Variants in KRTAP4-1 observed in about 807,000 individuals in gnomAD.
KRTAP4-1 encodes keratin associated protein 4-1.
For synonymous variants in KRTAP4-1, 52 were observed against 58.3 expected (o/e 0.89, Z 0.50); for missense variants, 155 against 181.3 (o/e 0.85, Z 0.83).
rs1345754311 is a variant in KRTAP4-1, at chr17:41,184,240, C to A, written c.*174G>T. ...GGTCTGAATGCTGCTGGGAAGAGAT[C>A]CATGGGAAAAATGAGTGGTATTAAA... On this transcript the variant is annotated 3_prime_UTR_variant, in exon 1 of 1. Transcript: ENST00000398472. The A allele has an allele frequency of 1.2e-5, 14 of 1,136,054 alleles. No homozygotes were observed. Among genetic ancestry groups the A allele is most frequent in the Non-Finnish European group, 3.7e-6 (3 of 809,494 alleles). 70.4% of individuals were successfully genotyped at this position (1,136,054 alleles called of 1,614,324 possible).
At position 41,184,155 on chromosome 17, in the gene KRTAP4-1, T is replaced by C. The variant is rs1490903214; in HGVS notation, c.*259A>G. 8.3e-6 allele frequency: 4 copies of C among 482,872 alleles called. No homozygotes were observed. The East Asian group carries it at 9.3e-5, about 11-fold the overall frequency. The allele number at this position is 482,872 out of a possible 1,614,324, so 29.9% of individuals were successfully genotyped here. A position where few individuals can be genotyped will look rare whatever the true frequency, so the allele number is the denominator to read the frequency against. On this transcript the variant is annotated 3_prime_UTR_variant, in exon 1 of 1. Transcript: ENST00000398472. ...AACAGTTAATATGTAATTTTGAAGG[T>C]CAAATCAAGCATAACAGTCAGAAAC...
At position 41,184,749 on chromosome 17, in the gene KRTAP4-1, A is replaced by C; in HGVS notation, c.106T>G (p.Cys36Gly). 1 of 1,612,306 alleles carries C rather than the reference A, an allele frequency of 6.2e-7. No individual in the cohort carries two copies. Among genetic ancestry groups the C allele is most frequent in the Non-Finnish European group, 8.5e-7 (1 of 1,179,532 alleles). The change falls in exon 1 of 1, where the codon TGC becomes GGC. Residue 36 changes from cysteine to glycine, a missense_variant. Cys to Gly is a radical substitution (Grantham distance 159). Transcript: ENST00000398472. ...RPSCCQTTCC[C>G]PSCVVSSCCR... ...CAGCTGGATACAACACAGCTGGGGC[A>C]GCAACAGGTGGTCTGGCAGCAGCTG...
chr17:41,184,633 G>A lies in KRTAP4-1; in HGVS notation c.222C>T (p.Cys74=), dbSNP rs201290266. 21 of 1,597,366 alleles carry A rather than the reference G, an allele frequency of 1.3e-5. No homozygotes were observed. Among genetic ancestry groups the A allele is most frequent in the Non-Finnish European group, 1.6e-5 (19 of 1,172,018 alleles). ...AGCTGGACACACCACAGCTGGGGCG[G>A]CAGGTGGTCTGACAACAGACTGGGT... is the stretch of plus-strand genomic sequence containing the variant. ...CCHPVCCQTT[C]RPSCGVSSCC... is the part of the protein sequence containing the mutation. The change falls in exon 1 of 1, where the codon TGC becomes TGT. Residue 74 remains cysteine, a synonymous_variant. Coordinates refer to ENST00000398472, the MANE Select transcript of KRTAP4-1 (RefSeq NM_001386841.1).
At position 41,184,784 on chromosome 17, in the gene KRTAP4-1, C is replaced by T; in HGVS notation, c.71G>A (p.Cys24Tyr). 1.2e-6 allele frequency: 2 copies of T among 1,614,216 alleles called. No homozygotes were observed. The highest frequency in any genetic ancestry group is 1.7e-6 in the Non-Finnish European group (2 of 1,180,032). The change falls in exon 1 of 1, where the codon TGC (cysteine) becomes TAC (tyrosine). Residue 24 changes from cysteine (C) to tyrosine (Y), a missense_variant. Transcript: ENST00000398472. ...GCDQGLCQETCCRPSCCQTTC... is the reference protein window; with the variant it reads ...GCDQGLCQETYCRPSCCQTTC... ...GGTCTGGCAGCAGCTGGGGCGGCAG[C>T]AGGTCTCTTGGCAGAGGCCTTGATC...
rs752336099 is a variant in KRTAP4-1, at chr17:41,184,876, T to C, written c.-22A>G. On this transcript the variant is annotated 5_prime_UTR_variant, in exon 1 of 1. Coordinates refer to ENST00000398472, the MANE Select transcript of KRTAP4-1 (RefSeq NM_001386841.1). ...CCATGGTGTCAGAGGGTGGAGGTTC[T>C]AGGTAGGTTTCCAAGACAGTGAGTT... The C allele has an allele frequency of 1.2e-6, 2 of 1,613,184 alleles. No homozygotes were observed. The highest frequency in any genetic ancestry group is 1.7e-6 in the Non-Finnish European group (2 of 1,179,582).
chr17:41,184,235 G>C lies in KRTAP4-1; in HGVS notation c.*179C>G, dbSNP rs2015244298. The C allele has an allele frequency of 2.8e-6, 3 of 1,088,616 alleles. No homozygotes were observed. The highest frequency in any genetic ancestry group is 5.6e-5 in the Admixed American group (2 of 35,682). 67.4% of individuals were successfully genotyped at this position (1,088,616 alleles called of 1,614,324 possible). A position where few individuals can be genotyped will look rare whatever the true frequency, so the allele number is the denominator to read the frequency against. On this transcript the variant is annotated 3_prime_UTR_variant, in exon 1 of 1. Transcript: ENST00000398472. ...TCTGAGGTCTGAATGCTGCTGGGAA[G>C]AGATCCATGGGAAAAATGAGTGGTA...
At position 41,184,341 on chromosome 17, in the gene KRTAP4-1, A is replaced by G; in HGVS notation, c.*73T>C. 1 of 1,526,738 alleles carries G rather than the reference A, an allele frequency of 6.5e-7. No individual in the cohort carries two copies. The highest frequency in any genetic ancestry group is 1.3e-5 in the South Asian group (1 of 77,140). The allele number at this position is 1,526,738 out of a possible 1,614,324, so 94.6% of individuals were successfully genotyped here. A position where few individuals can be genotyped will look rare whatever the true frequency, so the allele number is the denominator to read the frequency against. ...AAGCTGATGGCCATTTAACACATGG[A>G]CAAGTTGATATAAATGACACTTTCA... is the stretch of plus-strand genomic sequence containing the variant. On this transcript the variant is annotated 3_prime_UTR_variant, in exon 1 of 1. Coordinates refer to ENST00000398472, the MANE Select transcript of KRTAP4-1 (RefSeq NM_001386841.1).
At position 41,184,474 on chromosome 17, in the gene KRTAP4-1, A is replaced by G. The variant is rs1249351683; in HGVS notation, c.381T>C (p.Cys127=). The change falls in exon 1 of 1, where the codon TGT becomes TGC. Residue 127 remains cysteine (C), a synonymous_variant. Coordinates refer to ENST00000398472, the MANE Select transcript of KRTAP4-1 (RefSeq NM_001386841.1). The part of the protein sequence containing the change: ...GVSSCCRPLC[C]QTTCCRATCC... ...AAGTTGCACGGCAGCAGGTGGTCTG[A>G]CAGCAGAGTGGACGGCAGCAGCTGG... 6.2e-7 allele frequency: 1 copy of G among 1,610,852 alleles called. No homozygotes were observed. Among genetic ancestry groups the G allele is most frequent in the Admixed American group, 1.7e-5 (1 of 59,922 alleles).
At position 41,184,423 on chromosome 17, in the gene KRTAP4-1, G is replaced by A. The variant is rs1401512305; in HGVS notation, c.432C>T (p.Ser144=). 13 of 1,595,124 alleles carry A rather than the reference G, an allele frequency of 8.1e-6. No homozygotes were observed. Among genetic ancestry groups the A allele is most frequent in the Non-Finnish European group, 1.0e-5 (12 of 1,168,122 alleles). ...ATCCRPSCCG[S]SC Reference sequence around the variant, plus strand: ...TAGTCCAATATGAGGTTCAACAAGAGGATCCACAGCAGCTGGGGCGGCAGC... The same window carrying A: ...TAGTCCAATATGAGGTTCAACAAGAAGATCCACAGCAGCTGGGGCGGCAGC... Residue 144 remains serine (S), a synonymous_variant, in exon 1 of 1, where the codon TCC becomes TCT. Transcript: ENST00000398472.
rs145814064 is a variant in KRTAP4-1, at chr17:41,184,817, T to C, written c.38A>G (p.Gln13Arg). The change falls in exon 1 of 1, where the codon CAG becomes CGG. Residue 13 changes from glutamine (Q) to arginine (R), a missense_variant. Gln to Arg is a conservative substitution (Grantham distance 43). Coordinates refer to ENST00000398472, the MANE Select transcript of KRTAP4-1 (RefSeq NM_001386841.1). ...TTGGCAGAGGCCTTGATCACAGCCCTGGTCAGAGCAGACAGAGCCACAACA... is the reference window on the plus strand; with the variant it reads ...TTGGCAGAGGCCTTGATCACAGCCCCGGTCAGAGCAGACAGAGCCACAACA... Reference protein sequence around the residue: ...NSCCGSVCSDQGCDQGLCQET... With the variant: ...NSCCGSVCSDRGCDQGLCQET... 1.9e-6 allele frequency: 3 copies of C among 1,614,202 alleles called. No individual in the cohort carries two copies. The highest frequency in any genetic ancestry group is 2.5e-6 in the Non-Finnish European group (3 of 1,180,020).
chr17:41,184,516 G>A lies in KRTAP4-1; in HGVS notation c.339C>T (p.Arg113=). The change falls in exon 1 of 1, where the codon CGC becomes CGT. Residue 113 remains arginine (R), a synonymous_variant. Transcript: ENST00000398472. Reference sequence around the variant, plus strand: ...AGCAGCTGGACACACCACAGCTGGGGCGGCAGGTGGTCTGACAACAGAGTG... The same window carrying A: ...AGCAGCTGGACACACCACAGCTGGGACGGCAGGTGGTCTGACAACAGAGTG... ...CRPLCCQTTC[R]PSCGVSSCCR... 1 of 1,605,410 alleles carries A rather than the reference G, an allele frequency of 6.2e-7. No homozygotes were observed. The highest frequency in any genetic ancestry group is 8.5e-7 in the Non-Finnish European group (1 of 1,176,546).
chr17:41,184,783 G>A lies in KRTAP4-1; in HGVS notation c.72C>T (p.Cys24=). The A allele has an allele frequency of 6.2e-7, 1 of 1,614,270 alleles. No individual in the cohort carries two copies. Among genetic ancestry groups the A allele is most frequent in the Non-Finnish European group, 8.5e-7 (1 of 1,180,042 alleles). The change falls in exon 1 of 1, where the codon TGC becomes TGT. Residue 24 remains cysteine, a synonymous_variant. Coordinates refer to ENST00000398472, the MANE Select transcript of KRTAP4-1 (RefSeq NM_001386841.1). Reference sequence around the variant, plus strand: ...TGGTCTGGCAGCAGCTGGGGCGGCAGCAGGTCTCTTGGCAGAGGCCTTGAT... The same window carrying A: ...TGGTCTGGCAGCAGCTGGGGCGGCAACAGGTCTCTTGGCAGAGGCCTTGAT... ...GCDQGLCQET[C]CRPSCCQTTC... is the part of the protein sequence containing the mutation.
Position 41,184,823 on chromosome 17 carries a change from G to A in KRTAP4-1, c.32C>T (p.Ser11Phe), listed in dbSNP as rs1384130375. The A allele has an allele frequency of 6.2e-7, 1 of 1,614,006 alleles. No homozygotes were observed. Among genetic ancestry groups the A allele is most frequent in the African/African-American group, 1.3e-5 (1 of 74,948 alleles). Residue 11 changes from serine to phenylalanine, a missense_variant, in exon 1 of 1, where the codon TCT becomes TTT. Physicochemically the swap from Ser to Phe is radical, Grantham distance 155. Transcript: ENST00000398472. ...GAGGCCTTGATCACAGCCCTGGTCA[G>A]AGCAGACAGAGCCACAACAAGAGTT... is the stretch of plus-strand genomic sequence containing the variant. MVNSCCGSVC[S>F]DQGCDQGLCQ... is the part of the protein sequence containing the mutation.
chr17:41,184,893 C>G lies in KRTAP4-1; in HGVS notation c.-39G>C. 1.9e-6 allele frequency: 3 copies of G among 1,610,920 alleles called. No homozygotes were observed. The East Asian group carries it at 6.7e-5, about 36-fold the overall frequency. On this transcript the variant is annotated 5_prime_UTR_variant, in exon 1 of 1. Coordinates refer to ENST00000398472, the MANE Select transcript of KRTAP4-1 (RefSeq NM_001386841.1). ...GGAGGTTCTAGGTAGGTTTCCAAGA[C>G]AGTGAGTTTTTCGAATGTGGGAATC...
rs554560020 is a variant in KRTAP4-1, at chr17:41,184,802, C to T, written c.53G>A (p.Gly18Asp). 5.6e-6 allele frequency: 9 copies of T among 1,614,218 alleles called. No individual in the cohort carries two copies. In the East Asian group the frequency reaches 2.0e-4, roughly 36 times the overall value. Residue 18 changes from glycine (G) to aspartate (D), a missense_variant, in exon 1 of 1, where the codon GGC (glycine) becomes GAC (aspartate). Coordinates refer to ENST00000398472, the MANE Select transcript of KRTAP4-1 (RefSeq NM_001386841.1). Reference sequence around the variant, plus strand: ...GCGGCAGCAGGTCTCTTGGCAGAGGCCTTGATCACAGCCCTGGTCAGAGCA... The same window carrying T: ...GCGGCAGCAGGTCTCTTGGCAGAGGTCTTGATCACAGCCCTGGTCAGAGCA... ...SVCSDQGCDQ[G>D]LCQETCCRPS...
Position 41,184,260 on chromosome 17 carries a change from A to C in KRTAP4-1, c.*154T>G. 7.6e-7 allele frequency: 1 copy of C among 1,310,656 alleles called. No homozygotes were observed. The highest frequency in any genetic ancestry group is 1.0e-6 in the Non-Finnish European group (1 of 955,430). 81.2% of individuals were successfully genotyped at this position (1,310,656 alleles called of 1,614,324 possible). A position where few individuals can be genotyped will look rare whatever the true frequency, so the allele number is the denominator to read the frequency against. On this transcript the variant is annotated 3_prime_UTR_variant, in exon 1 of 1. Coordinates refer to ENST00000398472, the MANE Select transcript of KRTAP4-1 (RefSeq NM_001386841.1). ...GAGATCCATGGGAAAAATGAGTGGT[A>C]TTAAATGTAGATGGATGCCCTTTCA...
chr17:41,184,629 G>A lies in KRTAP4-1; in HGVS notation c.226C>T (p.Pro76Ser), dbSNP rs1048856599. Residue 76 changes from proline to serine, a missense_variant, in exon 1 of 1, where the codon CCC becomes TCC. By Grantham distance (74) the Pro-to-Ser change is moderately conservative. Coordinates refer to ENST00000398472, the MANE Select transcript of KRTAP4-1 (RefSeq NM_001386841.1). ...HPVCCQTTCRPSCGVSSCCRP... is the reference protein window; with the variant it reads ...HPVCCQTTCRSSCGVSSCCRP... The stretch of plus-strand genomic sequence containing the variant: ...CAGCAGCTGGACACACCACAGCTGG[G>A]GCGGCAGGTGGTCTGACAACAGACT... 8 of 1,595,114 alleles carry A rather than the reference G, an allele frequency of 5.0e-6. 1 individual carries two copies. The highest frequency in any genetic ancestry group is 3.7e-4 in the Middle Eastern group (2 of 5,428).
chr17:41,184,878 G>A lies in KRTAP4-1; in HGVS notation c.-24C>T, dbSNP rs758100896. 87 of 1,613,136 alleles carry A rather than the reference G, an allele frequency of 5.4e-5. No individual in the cohort carries two copies. The highest frequency in any genetic ancestry group is 7.2e-5 in the Non-Finnish European group (85 of 1,179,558). ...ATGGTGTCAGAGGGTGGAGGTTCTAGGTAGGTTTCCAAGACAGTGAGTTTT... is the reference window on the plus strand; with the variant it reads ...ATGGTGTCAGAGGGTGGAGGTTCTAAGTAGGTTTCCAAGACAGTGAGTTTT... On this transcript the variant is annotated 5_prime_UTR_variant, in exon 1 of 1. Coordinates refer to ENST00000398472, the MANE Select transcript of KRTAP4-1 (RefSeq NM_001386841.1).
rs1204696524 is a variant in KRTAP4-1, at chr17:41,184,851, C to T, written c.4G>A (p.Val2Ile). The change falls in exon 1 of 1, where the codon GTT (valine) becomes ATT (isoleucine). Residue 2 changes from valine (V) to isoleucine (I), a missense_variant. Val to Ile is a conservative substitution (Grantham distance 29). Transcript: ENST00000398472. ...CAGACAGAGCCACAACAAGAGTTAA[C>T]CATGGTGTCAGAGGGTGGAGGTTCT... M[V>I]NSCCGSVCSD... 6.2e-7 allele frequency: 1 copy of T among 1,613,728 alleles called. No homozygotes were observed. Among genetic ancestry groups the T allele is most frequent in the African/African-American group, 1.3e-5 (1 of 75,042 alleles).
Sources: gnomAD v4.1 joint callset for allele counts on GRCh38, gnomAD v4.1.1 for gene constraint, MANE v1.5 for transcripts, NCBI Gene and HGNC (gene_info 2026-07-23, HGNC 2026-07-21) for gene names.